LPP: variants seen among roughly 807,000 people sequenced by gnomAD.
LPP encodes lipoma-preferred partner.
In LPP, 38 loss-of-function variants were observed where a neutral mutation model predicts 60.4. That is an observed-to-expected ratio of 0.63 (90% CI 0.49 to 0.83). LPP has a LOEUF of 0.83. Among genes scored for constraint, LPP ranks in the 40% least tolerant of loss-of-function variants. The pLI, the probability that LPP is intolerant of heterozygous loss-of-function variation, is 0.00. For missense variants in LPP, 902 were observed against 783.6 expected, an observed-to-expected ratio of 1.15 and a Z score of -1.80; for synonymous variants, 328 against 290.8, an observed-to-expected ratio of 1.13 and a Z score of -1.30.
chr3:188,614,710 G>A (rs890267922), intron 7 of LPP, among the ~76,000 whole-genome samples: 5 of 152,140 alleles, frequency 3.3e-5, no homozygotes, highest in South Asian at 2.1e-4. Context: ...TGCTTTGACC[G>A]TGGCAAGTGA....
chr3:188,659,621 A>G (rs1179232514), intron 7 of LPP, among the ~76,000 whole-genome samples: 3 of 152,224 alleles, frequency 2.0e-5, no homozygotes, highest in Non-Finnish European at 4.4e-5. Flanking sequence ...ACTACAGCAC[A>G]GAAGTGCAGC....
chr3:188,606,561 CTTG>C (rs1362433654), intron 6 of LPP, among the ~76,000 whole-genome samples: 1 of 152,006 alleles, frequency 6.6e-6, no homozygotes, highest in Non-Finnish European at 1.5e-5. Flanking sequence ...ATATTCTTGT[CTTG>C]TTGGTGGAGG....
At chr3:188,247,734 G>A (rs772157693) in intron 2 of LPP, among the ~76,000 whole-genome samples, 1 of 151,670 alleles carries the variant, frequency 6.6e-6, no homozygotes, top group Non-Finnish European at 1.5e-5. Flanking sequence ...GGGAGGTGGA[G>A]GTTGCAGTGA....
At chr3:188,708,572 A>T (rs936214461) in intron 8 of LPP, 179 bp downstream of exon 8, 2 of 771,692 alleles carry the variant, frequency 2.6e-6, no homozygotes, top group Non-Finnish European at 4.2e-6. Flanking sequence ...ACTGCCATAG[A>T]TGTGATGTCT....
chr3:188,243,914 C>A (rs573733457), intron 2 of LPP, among the ~76,000 whole-genome samples: 1 of 151,994 alleles, frequency 6.6e-6, no homozygotes, highest in Non-Finnish European at 1.5e-5. Context: ...CTCGCTCTGT[C>A]GCGCAGGCTG....
At chr3:188,438,836 G>A (rs1387374972) in intron 4 of LPP, among the ~76,000 whole-genome samples, 1 of 152,172 alleles carries the variant, frequency 6.6e-6, no homozygotes, top group African/African-American at 2.4e-5. Flanking sequence ...GTTTCTTAGA[G>A]AATAAGATTC....
At chr3:188,584,944 GT>G (rs1408643091) in intron 6 of LPP, among the ~76,000 whole-genome samples, 6 of 152,070 alleles carry the variant, frequency 3.9e-5, no homozygotes, top group Non-Finnish European at 4.4e-5. Context: ...TAGGATGAAA[GT>G]TTTTTCATGT....
intron 7 of LPP, among the ~76,000 whole-genome samples, chr3:188,677,979 C>G (rs1400785098): frequency 3.3e-5 from 5 of 152,070 alleles, no homozygotes; most frequent in Non-Finnish European, 7.4e-5. Flanking sequence ...AAACATGGTC[C>G]CAGGGTGGTC....
chr3:188,638,821 C>A (rs1456699757), intron 7 of LPP, among the ~76,000 whole-genome samples: 4 of 147,620 alleles, frequency 2.7e-5, no homozygotes, highest in African/African-American at 7.5e-5. Flanking sequence ...ATGTGAAGGA[C>A]CTCTTCAAGG....
chr3:188,377,421 C>T (rs867129497), intron 3 of LPP, among the ~76,000 whole-genome samples: 44 of 152,222 alleles, frequency 2.9e-4, no homozygotes, highest in African/African-American at 1.0e-3. Flanking sequence ...ATTCCTTTTT[C>T]TCTGAACTTC....
intron 9 of LPP, among the ~76,000 whole-genome samples, chr3:188,772,112 G>C (rs17672613): frequency 0.058 from 8,820 of 152,166 alleles, 276 homozygotes; most frequent in Non-Finnish European, 0.067. Flanking sequence ...TTCCAGTCAA[G>C]CTCATGCAAA....
chr3:188,649,421 C>T (rs1851675006), intron 7 of LPP, among the ~76,000 whole-genome samples: 1 of 152,200 alleles, frequency 6.6e-6, no homozygotes, highest in South Asian at 2.1e-4. Context: ...CCTTTAGTTT[C>T]AGGAGTTGTA....
chr3:188,294,168 G>C (rs1747049325), intron 2 of LPP, among the ~76,000 whole-genome samples: 1 of 150,936 alleles, frequency 6.6e-6, no homozygotes, highest in South Asian at 2.1e-4. Context: ...TGTAGCGATA[G>C]AAAGTAGTGG....
intron 2 of LPP, among the ~76,000 whole-genome samples, chr3:188,320,956 C>G (rs894016154): frequency 6.6e-6 from 1 of 152,172 alleles, no homozygotes; most frequent in African/African-American, 2.4e-5. Context: ...TGTGAGTAAG[C>G]TGTCATATTT....
At chr3:188,311,471 T>TCTAAACTAAA (rs56278922) in intron 2 of LPP, among the ~76,000 whole-genome samples, 4,347 of 142,024 alleles carry the variant, frequency 0.031, 126 homozygotes, top group African/African-American at 0.063. Flanking sequence ...AGACCCTATC[T>TCTAAACTAAA]CTAAACTAAA....
At chr3:188,158,469 A>T (rs951747973) in intron 1 of LPP, among the ~76,000 whole-genome samples, 1 of 152,188 alleles carries the variant, frequency 6.6e-6, no homozygotes, top group Non-Finnish European at 1.5e-5. Context: ...AGGCTGGTGC[A>T]TTCTAAATGT....
intron 3 of LPP, among the ~76,000 whole-genome samples, chr3:188,355,878 C>T (rs1310132430): frequency 1.3e-5 from 2 of 152,194 alleles, no homozygotes; most frequent in Non-Finnish European, 2.9e-5. Context: ...GCTTAAGTTA[C>T]TAACCCAAGG....
intron 7 of LPP, among the ~76,000 whole-genome samples, chr3:188,623,670 G>C (rs993968659): frequency 3.3e-5 from 5 of 152,232 alleles, no homozygotes; most frequent in African/African-American, 1.2e-4. Context: ...TACACTGCCT[G>C]CTTGCGAAAG....
At chr3:188,509,867 T>TTGG (rs1814857468) in intron 5 of LPP, among the ~76,000 whole-genome samples, 1 of 97,046 alleles carries the variant, frequency 1.0e-5, no homozygotes, top group African/African-American at 3.3e-5. Context: ...TAATTTTTTT[T>TTGG]TTGTTGTTTT....
Sources: gnomAD v4.1 joint callset for allele counts (sites outside exome capture counted in the v4.1 genomes callset) on GRCh38, gnomAD v4.1.1 for gene constraint, MANE v1.5 for transcripts, NCBI Gene and HGNC (gene_info 2026-07-23, HGNC 2026-07-21) for gene names.